Variants in MPP7 observed in about 807,000 individuals in gnomAD.
MPP7 encodes the protein MAGUK p55 subfamily member 7.
Under a neutral mutation model 76.5 loss-of-function variants are expected in MPP7, and 60 were observed. That is an observed-to-expected ratio of 0.78 (90% CI 0.64 to 0.97). The LOEUF is 0.97. Ranked by LOEUF, MPP7 falls within the 50% of genes least tolerant of loss-of-function variation. The probability of loss-of-function intolerance (pLI) is 0.00; values close to 1 mark genes in which losing one functional copy is unlikely to be tolerated. For missense variants in MPP7, 641 were observed against 694.0 expected (o/e 0.92, Z 0.86); for synonymous variants, 237 against 244.5 (o/e 0.97, Z 0.29).
chr10:28,080,565 C>T (rs1852713450), intron 12 of MPP7, among the ~76,000 whole-genome samples: 1 of 152,138 alleles, frequency 6.6e-6, no homozygotes, highest in African/African-American at 2.4e-5. Context: ...CATCTTCTCC[C>T]ATTAGAACAT....
intron 5 of MPP7, among the ~76,000 whole-genome samples, chr10:28,136,885 T>C (rs1188400223): frequency 6.6e-6 from 1 of 152,112 alleles, no homozygotes; most frequent in Non-Finnish European, 1.5e-5. Flanking sequence ...TGGCCTAATA[T>C]ACATGTTAAC....
intron 12 of MPP7, among the ~76,000 whole-genome samples, chr10:28,082,296 C>T (rs1244204169): frequency 1.3e-5 from 2 of 152,180 alleles, no homozygotes; most frequent in Non-Finnish European, 2.9e-5. Flanking sequence ...CACTGAGGTT[C>T]AAAACCAGTA....
At chr10:28,131,336 A>C (rs781703047) in intron 6 of MPP7, among the ~76,000 whole-genome samples, 2 of 152,238 alleles carry the variant, frequency 1.3e-5, no homozygotes, top group Admixed American at 6.5e-5. Context: ...CATAAATGTC[A>C]ACAGGTTACA....
intron 2 of MPP7, among the ~76,000 whole-genome samples, chr10:28,237,516 A>G (rs569036837): frequency 6.6e-6 from 1 of 152,262 alleles, no homozygotes; most frequent in African/African-American, 2.4e-5. Context: ...TTGCCAAAAT[A>G]TAACTATGGA....
chr10:28,112,319 T>G (rs550179197), intron 11 of MPP7, among the ~76,000 whole-genome samples: 8 of 152,262 alleles, frequency 5.3e-5, no homozygotes, highest in Admixed American at 3.3e-4. Context: ...TATTTTTTTA[T>G]AGGACCAATG....
chr10:28,307,954 G>A (rs911558524), upstream of MPP7, among the ~76,000 whole-genome samples: 11 of 152,136 alleles, frequency 7.2e-5, no homozygotes, highest in African/African-American at 2.7e-4. Context: ...CTTCCTTCTT[G>A]GGTCTTTTCT....
intron 1 of MPP7, among the ~76,000 whole-genome samples, chr10:28,295,329 C>CT (rs142159521): frequency 0.017 from 2,535 of 152,268 alleles, 31 homozygotes; most frequent in Non-Finnish European, 0.028. Context: ...TGCCTAATCT[C>CT]TATCCTGATT....
intron 3 of MPP7, among the ~76,000 whole-genome samples, chr10:28,172,867 G>C (rs906358695): frequency 6.6e-6 from 1 of 152,120 alleles, no homozygotes; most frequent in Non-Finnish European, 1.5e-5. Flanking sequence ...ATGAGTGAAA[G>C]AATATGATAT....
intron 2 of MPP7, among the ~76,000 whole-genome samples, chr10:28,231,542 A>G (rs1271972254): frequency 6.6e-6 from 1 of 151,602 alleles, no homozygotes; most frequent in Non-Finnish European, 1.5e-5. Flanking sequence ...TACCAACATC[A>G]GGACCAAAAA....
At chr10:28,085,168 G>A (rs1019978427) in intron 12 of MPP7, among the ~76,000 whole-genome samples, 4 of 152,182 alleles carry the variant, frequency 2.6e-5, no homozygotes, top group African/African-American at 9.7e-5. Context: ...ATATTCTACA[G>A]TAAGATAAGA....
At chr10:28,278,295 C>T (rs1185721135) in intron 1 of MPP7, among the ~76,000 whole-genome samples, 1 of 152,100 alleles carries the variant, frequency 6.6e-6, no homozygotes, top group East Asian at 1.9e-4. Flanking sequence ...ATACCCACTG[C>T]ATTATCTTCG....
intron 2 of MPP7, among the ~76,000 whole-genome samples, chr10:28,320,832 G>GTT (rs5784052): frequency 0.12 from 18,293 of 148,590 alleles, 1,405 homozygotes; most frequent in African/African-American, 0.21. Flanking sequence ...TTTTTTGTTT[G>GTT]TTTTTTTTTT....
intron 12 of MPP7, among the ~76,000 whole-genome samples, chr10:28,084,935 T>C (rs1459374402): frequency 6.6e-6 from 1 of 152,148 alleles, no homozygotes; most frequent in Non-Finnish European, 1.5e-5. Flanking sequence ...CCTATTGAAC[T>C]GACCTAGGGA....
chr10:28,144,061 G>A (rs1255153816), intron 5 of MPP7, among the ~76,000 whole-genome samples: 1 of 152,078 alleles, frequency 6.6e-6, no homozygotes, highest in Admixed American at 6.6e-5. Flanking sequence ...CGGGATTTTT[G>A]TATCTTTAGT....
At chr10:28,127,492 A>G (rs1181409811) in intron 6 of MPP7, among the ~76,000 whole-genome samples, 1 of 152,156 alleles carries the variant, frequency 6.6e-6, no homozygotes, top group Non-Finnish European at 1.5e-5. Context: ...GTGGCTGGGG[A>G]GGCCTCGCAA....
chr10:28,334,342 A>G (rs1834496911), intron 1 of MPP7: 2 of 152,226 alleles, frequency 1.3e-5, no homozygotes, highest in African/African-American at 4.8e-5. Context: ...AAGATATTAT[A>G]CATAAGAATA....
At chr10:28,061,066 C>T (rs11006818) in intron 13 of MPP7, among the ~76,000 whole-genome samples, 3 of 151,942 alleles carry the variant, frequency 2.0e-5, no homozygotes, top group South Asian at 4.2e-4. Context: ...AACATTCTCC[C>T]GAATATGGTA....
intron 3 of MPP7, among the ~76,000 whole-genome samples, chr10:28,166,054 C>T (rs1836446049): frequency 6.7e-6 from 1 of 149,434 alleles, no homozygotes; most frequent in Non-Finnish European, 1.5e-5. Flanking sequence ...AATTTAGTGT[C>T]CCACATGGTC....
At chr10:28,133,417 C>T (rs945656977) in intron 5 of MPP7, among the ~76,000 whole-genome samples, 2 of 152,096 alleles carry the variant, frequency 1.3e-5, no homozygotes, top group African/African-American at 2.4e-5. Context: ...AGAGGTCTGG[C>T]CAAAACATTA....
Sources: gnomAD v4.1 joint callset for allele counts (sites outside exome capture counted in the v4.1 genomes callset) on GRCh38, gnomAD v4.1.1 for gene constraint, MANE v1.5 for transcripts, NCBI Gene and HGNC (gene_info 2026-07-23, HGNC 2026-07-21) for gene names.